Variants in PHF3 observed in about 807,000 individuals in gnomAD.
PHF3 encodes the protein PHD finger protein 3.
In PHF3, 41 loss-of-function variants were observed where a neutral mutation model predicts 178.4. The ratio of observed to expected loss-of-function variants is 0.23; its 90% CI spans 0.18 to 0.30. The LOEUF (loss-of-function observed/expected upper bound fraction) is 0.30, where lower values mean the gene tolerates loss of function less well. Among genes scored for constraint, PHF3 ranks in the 10% least tolerant of loss-of-function variants. PHF3 has a pLI of 1.00. For synonymous variants in PHF3, 842 were observed against 800.5 expected (o/e 1.05, Z -0.88); for missense variants, 2,346 against 2,398.1 (o/e 0.98, Z 0.45).
In PHF3 at chr6:63,720,397, A is replaced by G. The variant is rs1768326428; in HGVS notation, c.*6689A>G. On this transcript the variant is annotated 3_prime_UTR_variant, in exon 16 of 16. Transcript: ENST00000262043. Reference sequence around the variant, plus strand: ...GGAGTTAAAACATGAATCAAAATATATACAGATAAATTAGATGTAGGAAAA... The same window carrying G: ...GGAGTTAAAACATGAATCAAAATATGTACAGATAAATTAGATGTAGGAAAA... 7.9e-6 allele frequency: 4 copies of G among 508,344 alleles called. No individual in the cohort carries two copies. The highest frequency in any genetic ancestry group is 7.6e-5 in the South Asian group (2 of 26,294). 31.5% of individuals were successfully genotyped at this position (508,344 alleles called of 1,614,324 possible). A position where few individuals can be genotyped will look rare whatever the true frequency, so the allele number is the denominator to read the frequency against.
intron 2 of PHF3, among the ~76,000 whole-genome samples, chr6:63,653,529 G>A (rs576071850): frequency 6.6e-6 from 1 of 152,104 alleles, no homozygotes; most frequent in East Asian, 1.9e-4. Flanking sequence ...ACTTTTGTAT[G>A]TTTATTTTGT....
At chr6:63,670,103 T>G (rs1765847412) in intron 2 of PHF3, among the ~76,000 whole-genome samples, 1 of 152,194 alleles carries the variant, frequency 6.6e-6, no homozygotes, top group African/African-American at 2.4e-5. Flanking sequence ...TGAAAAATGC[T>G]ACTAATTGGA....
At position 63,721,847 on chromosome 6, in the gene PHF3, T is replaced by A; in HGVS notation, c.*8139T>A. On this transcript the variant is annotated 3_prime_UTR_variant, in exon 16 of 16. Coordinates refer to ENST00000262043, the MANE Select transcript of PHF3 (RefSeq NM_001370348.2). The stretch of plus-strand genomic sequence containing the variant: ...TGATTAGCAACAGTAAAAGTTTCCA[T>A]TGAAAACTTTTGCTGTTTCTGGCCA... 6.8e-7 allele frequency: 1 copy of A among 1,480,204 alleles called. No homozygotes were observed. Among genetic ancestry groups the A allele is most frequent in the Non-Finnish European group, 9.0e-7 (1 of 1,114,184 alleles). 91.7% of individuals were successfully genotyped at this position (1,480,204 alleles called of 1,614,324 possible).
Position 63,711,609 on chromosome 6 carries a change from C to A in PHF3, c.4021C>A (p.Leu1341Ile). The A allele has an allele frequency of 6.3e-7, 1 of 1,592,534 alleles. No individual in the cohort carries two copies. Among genetic ancestry groups the A allele is most frequent in the South Asian group, 1.2e-5 (1 of 86,512 alleles). ...AGGGCTTGAACTGCATAGACCTAAT[C>A]TATTGTTGGGCTTAATTATTCGTCA... ...GPGLELHRPN[L>I]LLGLIIRQKL... The change falls in exon 16 of 16, where the codon CTA becomes ATA. Residue 1341 changes from leucine (L) to isoleucine (I), a missense_variant. Transcript: ENST00000262043.
chr6:63,709,362 A>T, intron 14 of PHF3, 122 bp downstream of exon 14: 1 of 701,784 alleles, frequency 1.4e-6, no homozygotes, highest in South Asian at 1.8e-5. Flanking sequence ...TTTTAAGTCT[A>T]TGTAATATAC....
At chr6:63,668,411 A>G (rs1765769076) in intron 2 of PHF3, among the ~76,000 whole-genome samples, 2 of 152,088 alleles carry the variant, frequency 1.3e-5, no homozygotes, top group Admixed American at 1.3e-4. Context: ...ATGGCTCACT[A>G]CAGCCTCGAC....
chr6:63,709,207 T>C lies in PHF3; in HGVS notation c.3768T>C (p.Asp1256=). 14 of 1,612,292 alleles carry C rather than the reference T, an allele frequency of 8.7e-6. No individual in the cohort carries two copies. The highest frequency in any genetic ancestry group is 1.2e-5 in the Non-Finnish European group (14 of 1,178,814). Residue 1256 remains aspartate, a synonymous_variant, in exon 14 of 16, where the codon GAT becomes GAC. Coordinates refer to ENST00000262043, the MANE Select transcript of PHF3 (RefSeq NM_001370348.2). The stretch of plus-strand genomic sequence containing the variant: ...GGATATCACCTCAGACAGTTTGGGA[T>C]TATGTGGAAAAAATAAAAGCATCAG... ...GGRISPQTVW[D]YVEKIKASGT...
At position 63,714,904 on chromosome 6, in the gene PHF3, A is replaced by T. The variant is rs541226847; in HGVS notation, c.*1196A>T. ...AAAAAAAAATATGAAAACTATTGTT[A>T]ATTCAAATCTAAATTTATTTAAACC... On this transcript the variant is annotated 3_prime_UTR_variant, in exon 16 of 16. Transcript: ENST00000262043. 2.0e-5 allele frequency: 3 copies of T among 150,584 alleles called. No individual in the cohort carries two copies. Among genetic ancestry groups the T allele is most frequent in the Admixed American group, 1.3e-4 (2 of 15,194 alleles). The allele number at this position is 150,584 out of a possible 1,614,324, so 9.3% of individuals were successfully genotyped here. A position where few individuals can be genotyped will look rare whatever the true frequency, so the allele number is the denominator to read the frequency against.
chr6:63,654,998 A>G (rs932304517), intron 2 of PHF3, among the ~76,000 whole-genome samples: 2 of 146,802 alleles, frequency 1.4e-5, no homozygotes, highest in African/African-American at 2.5e-5. Flanking sequence ...GGCTCAAGTG[A>G]TCCTCCCACC....
rs1377801145 is a variant in PHF3, at chr6:63,712,936, C to G, written c.5348C>G (p.Thr1783Ser). 6.2e-7 allele frequency: 1 copy of G among 1,614,044 alleles called. No homozygotes were observed. Among genetic ancestry groups the G allele is most frequent in the African/African-American group, 1.3e-5 (1 of 75,006 alleles). The change falls in exon 16 of 16, where the codon ACT (threonine) becomes AGT (serine). Residue 1783 changes from threonine to serine, a missense_variant. Physicochemically the swap from Thr to Ser is moderately conservative, Grantham distance 58 (BLOSUM62 1). Around this residue, in one of 8 missense-constraint regions of PHF3, gnomAD observed 839 missense variants for 806.9 expected, o/e 1.04. Coordinates refer to ENST00000262043, the MANE Select transcript of PHF3 (RefSeq NM_001370348.2). Reference protein sequence around the residue: ...SEFPSKSITFTSRSTSPRTST... With the variant: ...SEFPSKSITFSSRSTSPRTST... ...TTTCCTTCTAAAAGCATCACCTTTACTTCCAGAAGCACCAGCCCCAGAACA... is the reference window on the plus strand; with the variant it reads ...TTTCCTTCTAAAAGCATCACCTTTAGTTCCAGAAGCACCAGCCCCAGAACA...
chr6:63,711,489 A>C, intron 15 of PHF3, 97 bp from the exon 16 acceptor site: 1 of 1,342,462 alleles, frequency 7.4e-7, no homozygotes, highest in Non-Finnish European at 1.0e-6. Flanking sequence ...AGGGCCAGGC[A>C]CCATTTAATA....
rs946696220 is a variant in PHF3, at chr6:63,723,462, G to A, written c.*9754G>A. On this transcript the variant is annotated 3_prime_UTR_variant, in exon 16 of 16. Coordinates refer to ENST00000262043, the MANE Select transcript of PHF3 (RefSeq NM_001370348.2). ...ATGGAGGAAGCTTTTCTTGCTCCTT[G>A]TGTTGTAGAGTGTTCCTGTAGTAAA... 6.6e-6 allele frequency among the ~76,000 whole-genome samples: 1 copy of A among 152,106 alleles called. No homozygotes were observed. The highest frequency in any genetic ancestry group is 2.4e-5 in the African/African-American group (1 of 41,422).
chr6:63,681,710 T>C (rs1047657738), intron 3 of PHF3, among the ~76,000 whole-genome samples: 1 of 152,084 alleles, frequency 6.6e-6, no homozygotes, highest in Non-Finnish European at 1.5e-5. Flanking sequence ...TTTGTCTCCT[T>C]TCATAGTTTC....
At position 63,685,744 on chromosome 6, in the gene PHF3, A is replaced by T. The variant is rs373339072; in HGVS notation, c.2022A>T (p.Gln674His). The T allele has an allele frequency of 1.8e-5, 29 of 1,614,006 alleles. No individual in the cohort carries two copies. The highest frequency in any genetic ancestry group is 2.3e-5 in the Non-Finnish European group (27 of 1,180,026). ...KKPEKNLQPRQRRSSKSFSLD... is the reference protein window; with the variant it reads ...KKPEKNLQPRHRRSSKSFSLD... ...CTGAGAAGAACCTACAACCCCGCCA[A>T]AGAAGAAGCAGCAAAAGTTTTTCTT... The change falls in exon 4 of 16, where the codon CAA (glutamine) becomes CAT (histidine). Residue 674 changes from glutamine to histidine, a missense_variant. Transcript: ENST00000262043.
At position 63,722,156 on chromosome 6, in the gene PHF3, C is replaced by T. The variant is rs769884872; in HGVS notation, c.*8448C>T. ...GCTAGGTACCTATAAATTCTCTGCA[C>T]ATTCCTGGCTCCTTTCCTGTCTCTC... On this transcript the variant is annotated 3_prime_UTR_variant, in exon 16 of 16. Coordinates refer to ENST00000262043, the MANE Select transcript of PHF3 (RefSeq NM_001370348.2). 3.9e-5 allele frequency among the ~76,000 whole-genome samples: 6 copies of T among 152,176 alleles called. No homozygotes were observed. Among genetic ancestry groups the T allele is most frequent in the Non-Finnish European group, 7.4e-5 (5 of 68,008 alleles).
chr6:63,711,924 G>A lies in PHF3; in HGVS notation c.4336G>A (p.Val1446Met). ...AAAACCTTTAAGATTTCTTCCTGGC[G>A]TGTTGATTGGCTGGGAGAATCAACC... Reference protein sequence around the residue: ...PPKPLRFLPGVLIGWENQPTT... With the variant: ...PPKPLRFLPGMLIGWENQPTT... Residue 1446 changes from valine to methionine, a missense_variant, in exon 16 of 16, where the codon GTG becomes ATG. Physicochemically the swap from Val to Met is conservative, Grantham distance 21. Around this residue, in one of 8 missense-constraint regions of PHF3, gnomAD observed 839 missense variants for 806.9 expected, o/e 1.04. Transcript: ENST00000262043. 2.5e-6 allele frequency: 4 copies of A among 1,613,942 alleles called. No homozygotes were observed. Among genetic ancestry groups the A allele is most frequent in the Non-Finnish European group, 3.4e-6 (4 of 1,179,934 alleles).
chr6:63,663,778 G>C (rs1345555842), intron 2 of PHF3, among the ~76,000 whole-genome samples: 1 of 152,020 alleles, frequency 6.6e-6, no homozygotes, highest in Non-Finnish European at 1.5e-5. Flanking sequence ...ACAGTGCCAG[G>C]GACCCAAGCT....
At position 63,713,616 on chromosome 6, in the gene PHF3, C is replaced by T. The variant is rs746217827; in HGVS notation, c.6028C>T (p.Arg2010Ter). The T allele has an allele frequency of 6.2e-6, 10 of 1,612,776 alleles. 1 individual carries two copies. Among genetic ancestry groups the T allele is most frequent in the East Asian group, 4.5e-5 (2 of 44,778 alleles). Residue 2010 changes from arginine to a stop codon, truncating the protein, a stop_gained, in exon 16 of 16, where the codon CGA becomes TGA. Coordinates refer to ENST00000262043, the MANE Select transcript of PHF3 (RefSeq NM_001370348.2). LOFTEE classifies it high-confidence loss of function. ...TGAAGACTATGAGAAGGACAAAGAA[C>T]GAGAGAAAAGTAAACACAGAGAAGG... ...KSEDYEKDKE[R>*]EKSKHREGEK...
At chr6:63,711,124 T>A in intron 14 of PHF3, 43 bp from the exon 15 acceptor site, 1 of 1,411,718 alleles carries the variant, frequency 7.1e-7, no homozygotes, top group Non-Finnish European at 9.6e-7. Context: ...AGCTACTCTT[T>A]AGCTTATTAC....
Sources: gnomAD v4.1 joint callset for allele counts (sites outside exome capture counted in the v4.1 genomes callset) on GRCh38, gnomAD v4.1.1 for gene constraint, gnomAD v4.1.1 regional missense constraint, MANE v1.5 for transcripts, NCBI Gene and HGNC (gene_info 2026-07-23, HGNC 2026-07-21) for gene names.